The following KLHL15 variants were observed in gnomAD, a reference collection of about 807,000 sequenced individuals.
KLHL15 encodes kelch-like protein 15.
A neutral mutation model predicts 29.3 loss-of-function variants in KLHL15; 1 was observed. The observed-to-expected ratio is 0.03, with a 90% CI of 0.01 to 0.16. KLHL15 has a LOEUF of 0.16. KLHL15 is among the 10% of genes least tolerant of loss of function. KLHL15 has a pLI of 1.00. For missense variants in KLHL15, 215 were observed against 478.5 expected, an observed-to-expected ratio of 0.45 and a Z score of 5.14; for synonymous variants, 212 against 184.5, an observed-to-expected ratio of 1.15 and a Z score of -1.21.
At chrX:24,025,637 CT>C (rs1456635476) in intron 1 of KLHL15, among the ~76,000 whole-genome samples, 1 of 105,573 alleles carries the variant, frequency 9.5e-6, no homozygotes, top group African/African-American at 3.4e-5. Flanking sequence ...TACCTTCCCC[CT>C]GGTCGAGCGC....
intron 1 of KLHL15, among the ~76,000 whole-genome samples, chrX:24,025,575 C>T (rs939829409): frequency 1.8e-5 from 2 of 108,606 alleles, no homozygotes; most frequent in Non-Finnish European, 3.9e-5. Context: ...AGGCCCCCCC[C>T]TCGGCCCCTG....
chrX:24,021,085 T>C (rs1929794364), intron 2 of KLHL15, among the ~76,000 whole-genome samples: 1 of 112,292 alleles, frequency 8.9e-6, no homozygotes, highest in Admixed American at 9.5e-5. Flanking sequence ...CCTAATTTCT[T>C]ACTTGCAAAG....
At chrX:24,003,133 AG>A (rs1414091596) in intron 3 of KLHL15, among the ~76,000 whole-genome samples, 2 of 112,355 alleles carry the variant, frequency 1.8e-5, no homozygotes, top group Non-Finnish European at 3.8e-5. Context: ...TAGCTGTAAC[AG>A]GAAGTCCCAG....
chrX:24,022,965 C>T (rs987302170), intron 2 of KLHL15, among the ~76,000 whole-genome samples: 1 of 110,944 alleles, frequency 9.0e-6, no homozygotes, highest in Non-Finnish European at 1.9e-5. Context: ...AACTCCCGAC[C>T]CTCAGGTGAT....
intron 1 of KLHL15, among the ~76,000 whole-genome samples, chrX:24,025,926 C>T (rs1224726964): frequency 3.6e-5 from 4 of 111,054 alleles, no homozygotes; most frequent in Non-Finnish European, 7.6e-5. Context: ...AGCGGTCTCT[C>T]TCCGCCTGCA....
rs1461567002 is a variant in KLHL15 at position 23,986,464 on chromosome X, A to G, written c.*1457T>C. 8.9e-6 allele frequency: 1 copy of G among 112,196 alleles called. No individual in the cohort carries two copies. The highest frequency in any genetic ancestry group is 9.5e-5 in the Admixed American group (1 of 10,577). 9.2% of individuals were successfully genotyped at this position (112,196 alleles called of 1,213,427 possible). The stretch of plus-strand genomic sequence containing the variant: ...AGACTACTCATGCGCAAATGGCATC[A>G]ATTTCAATGATCCACTCCCAGGTTA... On this transcript the variant is annotated 3_prime_UTR_variant, in exon 4 of 4. Transcript: ENST00000328046.
chrX:24,025,030 G>A lies in KLHL15; in HGVS notation c.-181C>T. On this transcript the variant is annotated 5_prime_UTR_variant, in exon 2 of 4. Transcript: ENST00000328046. ...GGTCGCTCCGGCGGGGCACGAGAGT[G>A]CTCGCCTGCAGCCCCCTCTGGATAA... The A allele has an allele frequency of 3.4e-6, 1 of 296,883 alleles. No individual in the cohort carries two copies. 24.5% of individuals were successfully genotyped at this position (296,883 alleles called of 1,213,427 possible). A position where few individuals can be genotyped will look rare whatever the true frequency, so the allele number is the denominator to read the frequency against.
In KLHL15 at chrX:23,987,922, T is replaced by C; in HGVS notation, c.1814A>G (p.Ter605=). Residue 605 remains the stop codon, a stop_retained_variant, in exon 4 of 4, where the codon TAA becomes TGA. Transcript: ENST00000328046. Reference sequence around the variant, plus strand: ...CTTTTTTTAGGGAGGAGGATGTCATTAGTTGCAACGCCTGACCTCATCCAG... The same window carrying C: ...CTTTTTTTAGGGAGGAGGATGTCATCAGTTGCAACGCCTGACCTCATCCAG... ...YVLDEVRRCN[*] is the part of the protein sequence containing the mutation. The C allele has an allele frequency of 8.4e-7, 1 of 1,189,511 alleles. No individual in the cohort carries two copies. The highest frequency in any genetic ancestry group is 1.1e-6 in the Non-Finnish European group (1 of 883,340).
rs1449189456 is a variant in KLHL15 at position 24,018,576 on chromosome X, G to A, written c.-8+6281C>T. On this transcript the variant is annotated intron_variant, in intron 2 of 3. Coordinates refer to ENST00000328046, the MANE Select transcript of KLHL15 (RefSeq NM_030624.3). ...ATAAAAGAAAGCCTCACATTTTTGT[G>A]CCTAAGAATGATTAGTATAGGGATT... is the stretch of plus-strand genomic sequence containing the variant. Among the ~76,000 whole-genome samples, 4 of 111,295 alleles carry A rather than the reference G, an allele frequency of 3.6e-5. No homozygotes were observed. In the South Asian group the frequency reaches 1.5e-3, roughly 42 times the overall value.
chrX:24,001,290 T>C (rs1929309706), intron 3 of KLHL15, among the ~76,000 whole-genome samples: 1 of 111,631 alleles, frequency 9.0e-6, no homozygotes, highest in Non-Finnish European at 1.9e-5. Flanking sequence ...TCTGAGAAAG[T>C]GAAAAGATTT....
intron 3 of KLHL15, among the ~76,000 whole-genome samples, chrX:23,996,203 C>A (rs1354060747): frequency 8.9e-6 from 1 of 112,198 alleles, no homozygotes; most frequent in Non-Finnish European, 1.9e-5. Flanking sequence ...CCTGTGTGAA[C>A]AGGCACCTCT....
intron 2 of KLHL15, among the ~76,000 whole-genome samples, chrX:24,023,226 T>C (rs920543767): frequency 2.3e-4 from 26 of 111,567 alleles, no homozygotes; most frequent in Admixed American, 6.7e-4. Context: ...GTTAGGTTTC[T>C]GAGATAACCC....
intron 3 of KLHL15, 38 bp downstream of exon 3, chrX:24,005,951 A>G (rs778062454): frequency 8.6e-6 from 9 of 1,045,605 alleles, no homozygotes; most frequent in African/African-American, 1.9e-5. Flanking sequence ...GCCTTAACTA[A>G]ATGATGAGTA....
rs1431976227 is a variant in KLHL15 at position 23,985,543 on chromosome X, C to T, written c.*2378G>A. On this transcript the variant is annotated 3_prime_UTR_variant, in exon 4 of 4. Transcript: ENST00000328046. ...GCTCAAAACTGATTACAGCTAACAT[C>T]AGGTCCGACGTGACTTACGTAAAGC... The T allele has an allele frequency of 1.8e-5, 2 of 112,381 alleles. No individual in the cohort carries two copies. Among genetic ancestry groups the T allele is most frequent in the East Asian group, 2.8e-4 (1 of 3,629 alleles). The allele number at this position is 112,381 out of a possible 1,213,427, so 9.3% of individuals were successfully genotyped here. A position where few individuals can be genotyped will look rare whatever the true frequency, so the allele number is the denominator to read the frequency against.
intron 1 of KLHL15, among the ~76,000 whole-genome samples, chrX:24,025,887 A>G (rs1366197068): frequency 9.1e-6 from 1 of 110,285 alleles, no homozygotes; most frequent in Non-Finnish European, 1.9e-5. Context: ...GTCGGGGCTG[A>G]GGACACTCAG....
At position 23,988,655 on chromosome X, in the gene KLHL15, G is replaced by T. The variant is rs1259986349; in HGVS notation, c.1081C>A (p.Gln361Lys). The T allele has an allele frequency of 1.7e-6, 2 of 1,211,382 alleles. No individual in the cohort carries two copies. Among genetic ancestry groups the T allele is most frequent in the Non-Finnish European group, 2.2e-6 (2 of 895,440 alleles). The change falls in exon 4 of 4, where the codon CAG (glutamine) becomes AAG (lysine). Residue 361 changes from glutamine to lysine, a missense_variant. Transcript: ENST00000328046. Reference protein sequence around the residue: ...RYDPRQNSWLQMADMSVPRSE... With the variant: ...RYDPRQNSWLKMADMSVPRSE... ...CGTGGTACAGACATATCTGCCATCT[G>T]CAGCCAGGAGTTCTGTCTCGGGTCA...
Position 23,987,803 on chromosome X carries a change from A to G in KLHL15, c.*118T>C. 1.4e-6 allele frequency: 1 copy of G among 692,426 alleles called. No homozygotes were observed. Among genetic ancestry groups the G allele is most frequent in the Non-Finnish European group, 2.1e-6 (1 of 468,457 alleles). The allele number at this position is 692,426 out of a possible 1,213,427, so 57.1% of individuals were successfully genotyped here. A position where few individuals can be genotyped will look rare whatever the true frequency, so the allele number is the denominator to read the frequency against. On this transcript the variant is annotated 3_prime_UTR_variant, in exon 4 of 4. Transcript: ENST00000328046. ...TAGCACAGAATGAAAAATTCTTACAATGTTAGACCAATGGCTTTGATAGTA... is the reference window on the plus strand; with the variant it reads ...TAGCACAGAATGAAAAATTCTTACAGTGTTAGACCAATGGCTTTGATAGTA...
chrX:24,010,637 C>T (rs746091869), intron 2 of KLHL15, among the ~76,000 whole-genome samples: 1 of 112,052 alleles, frequency 8.9e-6, no homozygotes, highest in South Asian at 3.7e-4. Context: ...CCACACTAGC[C>T]TAAAAGAGCA....
At chrX:24,013,646 G>A (rs956765400) in intron 2 of KLHL15, among the ~76,000 whole-genome samples, 13 of 111,137 alleles carry the variant, frequency 1.2e-4, no homozygotes, top group South Asian at 3.7e-4. Context: ...AAGGAATCTC[G>A]TACAGTGTAG....
Sources: allele counts gnomAD v4.1 joint callset (sites outside exome capture counted in the v4.1 genomes callset), GRCh38; gene constraint gnomAD v4.1.1; transcripts MANE v1.5; gene names NCBI Gene and HGNC (gene_info 2026-07-23, HGNC 2026-07-21).